PLCZ1: variants seen among roughly 807,000 people sequenced by gnomAD.
PLCZ1 encodes phospholipase C zeta 1.
A neutral mutation model predicts 76.8 loss-of-function variants in PLCZ1; 64 were observed. The observed-to-expected ratio is 0.83, with a 90% CI of 0.68 to 1.03. The LOEUF (loss-of-function observed/expected upper bound fraction) is 1.03, where lower values mean the gene tolerates loss of function less well. Among genes scored for constraint, PLCZ1 ranks in the 50% least tolerant of loss-of-function variants. PLCZ1 has a pLI of 0.00. For missense variants in PLCZ1, 751 were observed against 713.7 expected (o/e 1.05, Z -0.60); for synonymous variants, 248 against 230.8 (o/e 1.07, Z -0.68).
intron 10 of PLCZ1, among the ~76,000 whole-genome samples, chr12:18,697,250 C>G (rs940426714): frequency 6.6e-6 from 1 of 151,996 alleles, no homozygotes; most frequent in Admixed American, 6.6e-5. Flanking sequence ...ATCCTAAATA[C>G]TATTATTTAG....
rs938397983 is a variant in PLCZ1 at position 18,688,009 on chromosome 12, A to C, written c.1591+80T>G. On this transcript the variant is annotated intron_variant, in intron 13 of 14. Coordinates refer to ENST00000266505, the MANE Select transcript of PLCZ1 (RefSeq NM_033123.4). ...GTCTTATGAATAATAAATATGTACAAAAACTCTATCAACATATAATTTGTA... is the reference window on the plus strand; with the variant it reads ...GTCTTATGAATAATAAATATGTACACAAACTCTATCAACATATAATTTGTA... 3.8e-6 allele frequency: 6 copies of C among 1,562,020 alleles called. No individual in the cohort carries two copies. In the South Asian group the frequency reaches 5.7e-5, roughly 15 times the overall value.
the PLCZ1 span, among the ~76,000 whole-genome samples, chr12:18,660,701 T>C: frequency 6.6e-6 from 1 of 152,004 alleles, no homozygotes; most frequent in Non-Finnish European, 1.5e-5. Flanking sequence ...AGGAGAAGAA[T>C]CTGATTTCCA....
chr12:18,736,684 G>A (rs1053759126), intron 2 of PLCZ1: 15 of 1,290,476 alleles, frequency 1.2e-5, no homozygotes, highest in East Asian at 5.5e-5. Flanking sequence ...CTTCAAGATC[G>A]CCTCTCACCT....
intron 3 of PLCZ1, among the ~76,000 whole-genome samples, chr12:18,724,962 A>G (rs1049536978): frequency 6.6e-6 from 1 of 152,140 alleles, no homozygotes; most frequent in South Asian, 2.1e-4. Context: ...GTCATCCGAA[A>G]TGTTCTCTGA....
the PLCZ1 span, among the ~76,000 whole-genome samples, chr12:18,671,727 A>AT: frequency 0.012 from 1,785 of 152,266 alleles, 32 homozygotes; most frequent in African/African-American, 0.041. Context: ...GGAAATTTGA[A>AT]TTTTTTTCCA....
At chr12:18,678,873 G>C (rs1001789943), downstream of PLCZ1, among the ~76,000 whole-genome samples, 1 of 152,000 alleles carries the variant, frequency 6.6e-6, no homozygotes, top group African/African-American at 2.4e-5. Context: ...CAAAAAGCTT[G>C]AGTTATATGG....
the PLCZ1 span, among the ~76,000 whole-genome samples, chr12:18,671,447 A>G: frequency 1.3e-5 from 2 of 152,156 alleles, no homozygotes; most frequent in Admixed American, 1.3e-4. Context: ...CTGCGTCAGC[A>G]TAATGCAGAA....
chr12:18,669,359 T>C, the PLCZ1 span, among the ~76,000 whole-genome samples: 1 of 152,212 alleles, frequency 6.6e-6, no homozygotes, highest in African/African-American at 2.4e-5. Flanking sequence ...GTAAACATTA[T>C]TTCATTTAAC....
chr12:18,685,724 CA>C (rs944522347), intron 13 of PLCZ1: 20 of 487,416 alleles, frequency 4.1e-5, no homozygotes, highest in African/African-American at 3.5e-4. Context: ...ATAGATACTG[CA>C]AAACATCTGC....
chr12:18,683,328 C>G lies in PLCZ1; in HGVS notation c.1742-4G>C. ...AACAGAGGAATACGACGATAACCTG[C>G]AAAAGGAATTATATCTAATTAGACC... On this transcript the variant is annotated splice_polypyrimidine_tract_variant and splice_region_variant and intron_variant, in intron 14 of 14. Transcript: ENST00000266505. 6.2e-7 allele frequency: 1 copy of G among 1,611,854 alleles called. No homozygotes were observed. The highest frequency in any genetic ancestry group is 1.7e-5 in the Admixed American group (1 of 59,818).
chr12:18,717,272 C>A (rs1024651103), intron 5 of PLCZ1, among the ~76,000 whole-genome samples: 1 of 151,820 alleles, frequency 6.6e-6, no homozygotes, highest in Non-Finnish European at 1.5e-5. Flanking sequence ...AATGGAAATT[C>A]CTATAATGAA....
chr12:18,706,254 A>G (rs951214206), intron 6 of PLCZ1, among the ~76,000 whole-genome samples: 6 of 152,182 alleles, frequency 3.9e-5, no homozygotes, highest in South Asian at 2.1e-4. Context: ...AAAAAAAAAA[A>G]AAGAAGAAGA....
chr12:18,646,068 T>G, the PLCZ1 span, among the ~76,000 whole-genome samples: 32 of 152,232 alleles, frequency 2.1e-4, no homozygotes, highest in East Asian at 6.2e-3. Flanking sequence ...CCAGGCAGCA[T>G]TGGGCATCCA....
At position 18,705,302 on chromosome 12, in the gene PLCZ1, G is replaced by A; in HGVS notation, c.728C>T (p.Pro243Leu). 6.2e-7 allele frequency: 1 copy of A among 1,613,980 alleles called. No homozygotes were observed. The highest frequency in any genetic ancestry group is 8.5e-7 in the Non-Finnish European group (1 of 1,179,966). ...GTGATTTTCTAAAGAGAGCACCACT[G>A]GGTAGTCAGATGTCTAAAAAAGTAA... ...HKYAFMTSDYPVVLSLENHCS... is the reference protein window; with the variant it reads ...HKYAFMTSDYLVVLSLENHCS... Residue 243 changes from proline (P) to leucine (L), a missense_variant, in exon 7 of 15, where the codon CCA (proline) becomes CTA (leucine). Pro to Leu is a moderately conservative substitution (Grantham distance 98, BLOSUM62 -3). Coordinates refer to ENST00000266505, the MANE Select transcript of PLCZ1 (RefSeq NM_033123.4).
the PLCZ1 span, chr12:18,648,120 T>G: frequency 1.4e-6 from 1 of 700,518 alleles, no homozygotes; most frequent in Non-Finnish European, 2.2e-6. Flanking sequence ...ATCTTTGTTG[T>G]CAAAGACAGC....
At chr12:18,648,359 G>A in the PLCZ1 span, 1 of 224,888 alleles carries the variant, frequency 4.4e-6, no homozygotes, top group African/African-American at 2.2e-5. Flanking sequence ...GTTAAAAGCA[G>A]TATTTTTAAT....
intron 10 of PLCZ1, among the ~76,000 whole-genome samples, chr12:18,696,502 T>C (rs1381867140): frequency 1.3e-5 from 2 of 151,318 alleles, no homozygotes; most frequent in Non-Finnish European, 2.9e-5. Context: ...TCATAAAATG[T>C]ATGTACACTG....
chr12:18,697,594 T>C (rs1955257406), intron 10 of PLCZ1, among the ~76,000 whole-genome samples: 1 of 152,110 alleles, frequency 6.6e-6, no homozygotes, highest in African/African-American at 2.4e-5. Context: ...TACTGTAAAA[T>C]AGGAGGACAT....
intron 10 of PLCZ1, among the ~76,000 whole-genome samples, chr12:18,697,230 C>T (rs1049193175): frequency 9.2e-5 from 14 of 152,040 alleles, no homozygotes; most frequent in Admixed American, 2.6e-4. Context: ...ATAGAATCAC[C>T]TCTCCCTTCA....
Sources: gnomAD v4.1 joint callset for allele counts (sites outside exome capture counted in the v4.1 genomes callset) on GRCh38, gnomAD v4.1.1 for gene constraint, MANE v1.5 for transcripts, NCBI Gene and HGNC (gene_info 2026-07-23, HGNC 2026-07-21) for gene names.